The following TBL1X variants were observed in gnomAD, a reference collection of about 807,000 sequenced individuals.
The protein encoded by TBL1X is F-box-like/WD repeat-containing protein TBL1X.
A neutral mutation model predicts 50.7 loss-of-function variants in TBL1X; 10 were observed. The ratio of observed to expected loss-of-function variants is 0.20; its 90% CI spans 0.12 to 0.33. TBL1X has a LOEUF of 0.33. Ranked by LOEUF, TBL1X falls within the 10% of genes least tolerant of loss-of-function variation. TBL1X has a pLI of 1.00. For missense variants in TBL1X, 340 were observed against 504.4 expected (o/e 0.67, Z 3.12); for synonymous variants, 190 against 214.7 (o/e 0.88, Z 1.01).
chrX:9,672,966 G>C (rs1203798287), intron 5 of TBL1X, among the ~76,000 whole-genome samples: 4 of 111,733 alleles, frequency 3.6e-5, no homozygotes, highest in Non-Finnish European at 7.5e-5. Context: ...TGTCTGGTGG[G>C]GACCCGCTTC....
intron 2 of TBL1X, among the ~76,000 whole-genome samples, chrX:9,526,227 G>A (rs1193251199): frequency 1.8e-5 from 2 of 111,653 alleles, no homozygotes; most frequent in Non-Finnish European, 3.8e-5. Context: ...ACTCAGTGAA[G>A]TCTGGCTCTC....
intron 2 of TBL1X, among the ~76,000 whole-genome samples, chrX:9,574,326 T>C (rs1601768092): frequency 1.8e-5 from 2 of 108,653 alleles, no homozygotes; most frequent in African/African-American, 6.7e-5. Flanking sequence ...TGGTAGTGTG[T>C]GCCTGTAGTC....
intron 5 of TBL1X, among the ~76,000 whole-genome samples, chrX:9,681,732 C>T (rs2083026864): frequency 8.9e-6 from 1 of 112,884 alleles, no homozygotes; most frequent in Non-Finnish European, 1.9e-5. Context: ...CTGGTGCATT[C>T]AGTAGATGTT....
chrX:9,541,319 A>T (rs1485238793), intron 2 of TBL1X, among the ~76,000 whole-genome samples: 1 of 29,090 alleles, frequency 3.4e-5, no homozygotes, highest in Non-Finnish European at 7.8e-5. Context: ...CCAGTGACCA[A>T]AAAAAAAAAA....
intron 3 of TBL1X, among the ~76,000 whole-genome samples, chrX:9,650,833 C>G (rs2082829648): frequency 9.0e-6 from 1 of 111,588 alleles, no homozygotes; most frequent in African/African-American, 3.3e-5. Context: ...TGCTCCAGAT[C>G]AGTGATTTTC....
intron 2 of TBL1X, chrX:9,637,299 T>C (rs1197130324): frequency 8.9e-6 from 1 of 112,007 alleles, no homozygotes; most frequent in African/African-American, 3.2e-5. Context: ...ACAGGAATCT[T>C]TCTGAATTCC....
At chrX:9,483,987 T>C (rs1188570084) in intron 1 of TBL1X, among the ~76,000 whole-genome samples, 1 of 112,296 alleles carries the variant, frequency 8.9e-6, no homozygotes, top group Non-Finnish European at 1.9e-5. Context: ...GCTAGACTTG[T>C]ATGAAGTGTG....
chrX:9,717,629 C>T lies in TBL1X; in HGVS notation c.*1383C>T, dbSNP rs774701198. 1 of 113,064 alleles carries T rather than the reference C, an allele frequency of 8.8e-6. No individual in the cohort carries two copies. Among genetic ancestry groups the T allele is most frequent in the African/African-American group, 3.2e-5 (1 of 31,124 alleles). The allele number at this position is 113,064 out of a possible 1,213,427, so 9.3% of individuals were successfully genotyped here. On this transcript the variant is annotated 3_prime_UTR_variant, in exon 18 of 18. Transcript: ENST00000645353. ...AACCATAAGGTACTGCAGAAGCCGT[C>T]GAAACCGACTGCTCGGCTGGATTAG...
At chrX:9,619,463 C>T (rs1258190021) in intron 2 of TBL1X, among the ~76,000 whole-genome samples, 3 of 111,794 alleles carry the variant, frequency 2.7e-5, no homozygotes, top group Non-Finnish European at 5.6e-5. Flanking sequence ...CAAAGCTGCA[C>T]AGACATCTCA....
intron 2 of TBL1X, among the ~76,000 whole-genome samples, chrX:9,617,764 A>G (rs1484319203): frequency 1.8e-5 from 2 of 112,522 alleles, no homozygotes; most frequent in Non-Finnish European, 3.8e-5. Flanking sequence ...AGTTCCTGCC[A>G]GTATCACAAA....
chrX:9,677,757 T>C (rs926949987), intron 5 of TBL1X, among the ~76,000 whole-genome samples: 3 of 112,070 alleles, frequency 2.7e-5, no homozygotes, highest in Non-Finnish European at 5.6e-5. Flanking sequence ...TTAGCCTCTT[T>C]GTGTTGTCAC....
At chrX:9,580,978 C>T (rs1240837768) in intron 2 of TBL1X, among the ~76,000 whole-genome samples, 3 of 111,854 alleles carry the variant, frequency 2.7e-5, no homozygotes, top group Non-Finnish European at 5.6e-5. Flanking sequence ...TCCCGGCAGT[C>T]ATGGCCTGGT....
chrX:9,709,852 C>A (rs1398934184), intron 15 of TBL1X, 92 bp downstream of exon 15: 4 of 1,098,712 alleles, frequency 3.6e-6, no homozygotes, highest in Non-Finnish European at 4.9e-6. Flanking sequence ...TGTGTTGAAG[C>A]CCTTCAGAGG....
At chrX:9,637,947 A>T (rs1244799772) in intron 2 of TBL1X, 1 of 111,855 alleles carries the variant, frequency 8.9e-6, no homozygotes, top group Non-Finnish European at 1.9e-5. Context: ...AAGAAAAAGA[A>T]ATTTTGGGGG....
At position 9,684,040 on chromosome X, in the gene TBL1X, C is replaced by T. The variant is rs1176696357; in HGVS notation, c.212-3C>T. On this transcript the variant is annotated splice_region_variant and splice_polypyrimidine_tract_variant and intron_variant, in intron 5 of 17. Transcript: ENST00000645353. ...CAACCTCAGCTTTCCCCTCTTGCCA[C>T]AGGTTTTTCCCACTCGGCTTTCACG... 9.1e-6 allele frequency: 11 copies of T among 1,210,014 alleles called. No homozygotes were observed. Among genetic ancestry groups the T allele is most frequent in the Non-Finnish European group, 1.2e-5 (11 of 895,284 alleles).
intron 2 of TBL1X, among the ~76,000 whole-genome samples, chrX:9,562,627 A>G (rs7890456): frequency 0.043 from 4,853 of 112,015 alleles, 255 homozygotes; most frequent in African/African-American, 0.15. Flanking sequence ...TGGATATTCA[A>G]TGACTTGCCT....
intron 2 of TBL1X, among the ~76,000 whole-genome samples, chrX:9,613,039 CA>C (rs542658168): frequency 2.4e-3 from 217 of 91,128 alleles, no homozygotes; most frequent in East Asian, 9.7e-3. Flanking sequence ...AAATTATTAC[CA>C]AAAAAAAAAA....
chrX:9,529,206 C>G (rs1167512036), intron 2 of TBL1X, among the ~76,000 whole-genome samples: 1 of 111,857 alleles, frequency 8.9e-6, no homozygotes, highest in South Asian at 3.7e-4. Context: ...TAGCCATGCC[C>G]ATTGCTTTCT....
At chrX:9,648,084 C>G (rs145909352) in intron 3 of TBL1X, among the ~76,000 whole-genome samples, 1 of 110,781 alleles carries the variant, frequency 9.0e-6, no homozygotes, top group East Asian at 2.9e-4. Context: ...TGCAGCTGCC[C>G]CTAGAAGTCA....
Sources: allele counts gnomAD v4.1 joint callset (sites outside exome capture counted in the v4.1 genomes callset), GRCh38; gene constraint gnomAD v4.1.1; transcripts MANE v1.5; gene names NCBI Gene and HGNC (gene_info 2026-07-23, HGNC 2026-07-21).